The following MTX3 variants were observed in gnomAD, a reference collection of about 807,000 sequenced individuals.
MTX3 encodes the protein metaxin-3.
A neutral mutation model predicts 42.5 loss-of-function variants in MTX3; 27 were observed. That is an observed-to-expected ratio of 0.64 (90% CI 0.47 to 0.88). The LOEUF is 0.88. Ranked by LOEUF, MTX3 falls within the 40% of genes least tolerant of loss-of-function variation. The probability of loss-of-function intolerance (pLI) is 0.00; values close to 1 mark genes in which losing one functional copy is unlikely to be tolerated. For synonymous variants in MTX3, 144 were observed against 132.9 expected (o/e 1.08, Z -0.57); for missense variants, 378 against 367.0 (o/e 1.03, Z -0.25).
At chr5:79,984,175 C>T (rs566429559) in intron 8 of MTX3, among the ~76,000 whole-genome samples, 3 of 152,168 alleles carry the variant, frequency 2.0e-5, no homozygotes, top group South Asian at 4.2e-4. Context: ...TTGATCTTCC[C>T]GATACGCTAT....
chr5:79,983,402 C>G lies in MTX3; in HGVS notation c.*282G>C, dbSNP rs938434490. 3 of 372,376 alleles carry G rather than the reference C, an allele frequency of 8.1e-6. No individual in the cohort carries two copies. Among genetic ancestry groups the G allele is most frequent in the African/African-American group, 6.3e-5 (3 of 47,264 alleles). 23.1% of individuals were successfully genotyped at this position (372,376 alleles called of 1,614,324 possible). ...CAACATGTGAACCAAAGGCAAAAATCTGCCATGATTAAGGCAGTTCTTTGT... is the reference window on the plus strand; with the variant it reads ...CAACATGTGAACCAAAGGCAAAAATGTGCCATGATTAAGGCAGTTCTTTGT... On this transcript the variant is annotated 3_prime_UTR_variant, in exon 9 of 9. Coordinates refer to ENST00000512528, the MANE Select transcript of MTX3 (RefSeq NM_001363818.2).
Position 79,990,162 on chromosome 5 carries a change from G to GT in MTX3, c.225dup (p.Gln76ThrfsTer4). 6.2e-7 allele frequency: 1 copy of GT among 1,603,840 alleles called. No homozygotes were observed. ...CTTCTTCAAAGTGAACCACCCACCT[G>GT]TTTTCTTAAAAAGTTTAGTATTTTT... On this transcript the variant is annotated frameshift_variant, in exon 3 of 9. Transcript: ENST00000512528. LOFTEE classifies it high-confidence loss of function.
intron 7 of MTX3, among the ~76,000 whole-genome samples, chr5:79,986,224 C>T (rs1051651484): frequency 1.3e-5 from 2 of 152,182 alleles, no homozygotes; most frequent in Admixed American, 6.5e-5. Context: ...CAAGTTAACA[C>T]GGTTGAACAT....
At chr5:79,985,940 G>GT (rs1554046804) in intron 7 of MTX3, among the ~76,000 whole-genome samples, 1 of 127,728 alleles carries the variant, frequency 7.8e-6, no homozygotes. Context: ...TTTTTTTTTT[G>GT]AAAAAAAAAG....
intron 6 of MTX3, 133 bp from the exon 7 acceptor site, chr5:79,987,240 A>C: frequency 1.5e-6 from 1 of 682,280 alleles, no homozygotes; most frequent in Non-Finnish European, 2.4e-6. Flanking sequence ...CAGGAGTTCC[A>C]GATAAGCCTG....
intron 4 of MTX3, 76 bp downstream of exon 4, chr5:79,989,076 A>G (rs1193335780): frequency 2.0e-6 from 2 of 1,012,340 alleles, no homozygotes; most frequent in East Asian, 2.7e-5. Context: ...GACTTTTCTC[A>G]TTGGTTTTTT....
intron 3 of MTX3, among the ~76,000 whole-genome samples, chr5:79,989,701 G>C (rs919409405): frequency 6.6e-6 from 1 of 152,082 alleles, no homozygotes; most frequent in Non-Finnish European, 1.5e-5. Context: ...ATCTTTACAT[G>C]TTTAAACATT....
At chr5:79,985,493 A>G in intron 8 of MTX3, 78 bp downstream of exon 8, 1 of 933,600 alleles carries the variant, frequency 1.1e-6, no homozygotes, top group Non-Finnish European at 1.7e-6. Flanking sequence ...GGTACAGTTA[A>G]TGTGTGACCC....
intron 1 of MTX3, 108 bp downstream of exon 1, chr5:79,991,050 G>A (rs1230262557): frequency 1.8e-6 from 2 of 1,133,094 alleles, no homozygotes; most frequent in South Asian, 1.3e-5. Context: ...GCGTGCAGCG[G>A]CTCGGCCCTC....
In MTX3 at chr5:79,990,358, G is replaced by T. The variant is rs1580891270; in HGVS notation, c.152-122C>A. 1.9e-5 allele frequency: 14 copies of T among 745,796 alleles called. No homozygotes were observed. The East Asian group carries it at 3.8e-4, about 20-fold the overall frequency. The allele number at this position is 745,796 out of a possible 1,614,324, so 46.2% of individuals were successfully genotyped here. On this transcript the variant is annotated intron_variant, in intron 2 of 8. Transcript: ENST00000512528. ...GGAAAAAATGAGTAAGCTTGTCTTG[G>T]TTTTTTTGCTGTTTCACAAAGAGCG... is the stretch of plus-strand genomic sequence containing the variant.
chr5:79,988,270 ATC>A lies in MTX3; in HGVS notation c.548_549del (p.Arg183IlefsTer33). 6.4e-7 allele frequency: 1 copy of A among 1,554,156 alleles called. No individual in the cohort carries two copies. Among genetic ancestry groups the A allele is most frequent in the Non-Finnish European group, 8.7e-7 (1 of 1,145,170 alleles). ...CCAAAGAAAAACTGAGATGTTCCCA[ATC>A]TGTTTGATAGAAGATTTAGGCACTC... ...AKECLNLLSN[R>X]LGTSQFFFGD... On this transcript the variant is annotated frameshift_variant, in exon 6 of 9. Coordinates refer to ENST00000512528, the MANE Select transcript of MTX3 (RefSeq NM_001363818.2). LOFTEE classifies it high-confidence loss of function.
intron 6 of MTX3, among the ~76,000 whole-genome samples, chr5:79,987,414 T>C (rs1014265794): frequency 7.8e-6 from 1 of 128,698 alleles, no homozygotes; most frequent in Non-Finnish European, 1.5e-5. Context: ...CACTCTAGCC[T>C]GGGCAACAAG....
At position 79,990,126 on chromosome 5, in the gene MTX3, C is replaced by T. The variant is rs994813637; in HGVS notation, c.228+34G>A. On this transcript the variant is annotated intron_variant, in intron 3 of 8. Coordinates refer to ENST00000512528, the MANE Select transcript of MTX3 (RefSeq NM_001363818.2). ...AGCCCAACATGCAGGGATCAACAAT[C>T]TACCAATCTACTTCTTCAAAGTGAA... The T allele has an allele frequency of 2.8e-6, 4 of 1,410,178 alleles. No individual in the cohort carries two copies. In the African/African-American group the frequency reaches 5.7e-5, roughly 20 times the overall value. The allele number at this position is 1,410,178 out of a possible 1,614,324, so 87.4% of individuals were successfully genotyped here.
At position 79,982,443 on chromosome 5, in the gene MTX3, T is replaced by G. The variant is rs898052277; in HGVS notation, c.*1241A>C. On this transcript the variant is annotated 3_prime_UTR_variant, in exon 9 of 9. Transcript: ENST00000512528. ...TGATAAGATTTGCTGAGCACCACAGTAATCTTTTAAGACACTAATCAAAAA... is the reference window on the plus strand; with the variant it reads ...TGATAAGATTTGCTGAGCACCACAGGAATCTTTTAAGACACTAATCAAAAA... The G allele has an allele frequency of 4.4e-6, 2 of 456,490 alleles. No individual in the cohort carries two copies. Among genetic ancestry groups the G allele is most frequent in the Non-Finnish European group, 8.8e-6 (2 of 226,860 alleles). 28.3% of individuals were successfully genotyped at this position (456,490 alleles called of 1,614,324 possible).
rs140333284 is a variant in MTX3 at position 79,983,878 on chromosome 5, T to C, written c.829-84A>G. On this transcript the variant is annotated intron_variant, in intron 8 of 8. Transcript: ENST00000512528. ...TGGCCTCCCCATCCAAACTATAGCC[T>C]AGAAGAGTACAGAACCATATGTTTC... is the stretch of plus-strand genomic sequence containing the variant. 254 of 837,460 alleles carry C rather than the reference T, an allele frequency of 3.0e-4. 4 individuals are homozygous for C. In the African/African-American group the frequency reaches 3.2e-3, roughly 11 times the overall value. The allele number at this position is 837,460 out of a possible 1,614,324, so 51.9% of individuals were successfully genotyped here. A position where few individuals can be genotyped will look rare whatever the true frequency, so the allele number is the denominator to read the frequency against.
rs1430960899 is a variant in MTX3, at chr5:79,983,637, G to C, written c.*47C>G. On this transcript the variant is annotated 3_prime_UTR_variant, in exon 9 of 9. Transcript: ENST00000512528. ...TTGCCTTCACACACTTGGTGTAAGA[G>C]ATTACTGCAACAATCGTTTGACTTT... is the stretch of plus-strand genomic sequence containing the variant. 1.4e-5 allele frequency: 19 copies of C among 1,361,878 alleles called. No individual in the cohort carries two copies. Among genetic ancestry groups the C allele is most frequent in the Non-Finnish European group, 2.0e-5 (19 of 949,830 alleles). The allele number at this position is 1,361,878 out of a possible 1,614,324, so 84.4% of individuals were successfully genotyped here. A position where few individuals can be genotyped will look rare whatever the true frequency, so the allele number is the denominator to read the frequency against.
intron 4 of MTX3, 84 bp from the exon 5 acceptor site, chr5:79,988,728 A>G: frequency 1.7e-6 from 2 of 1,202,532 alleles, no homozygotes; most frequent in Non-Finnish European, 2.3e-6. Flanking sequence ...TTTTTCATAA[A>G]TATCTTTATA....
At position 79,989,262 on chromosome 5, in the gene MTX3, A is replaced by G. The variant is rs373441749; in HGVS notation, c.229-18T>C. The G allele has an allele frequency of 8.7e-6, 13 of 1,487,718 alleles. No homozygotes were observed. Among genetic ancestry groups the G allele is most frequent in the Non-Finnish European group, 1.2e-5 (13 of 1,093,550 alleles). The allele number at this position is 1,487,718 out of a possible 1,614,324, so 92.2% of individuals were successfully genotyped here. ...TTATATTTCTATTAAAAAAAAATAA[A>G]CCAAAGAAACTCAGAAGTCAAAGAG... On this transcript the variant is annotated intron_variant, in intron 3 of 8. Coordinates refer to ENST00000512528, the MANE Select transcript of MTX3 (RefSeq NM_001363818.2).
rs993140092 is a variant in MTX3, at chr5:79,990,319, T to C, written c.152-83A>G. On this transcript the variant is annotated intron_variant, in intron 2 of 8. Coordinates refer to ENST00000512528, the MANE Select transcript of MTX3 (RefSeq NM_001363818.2). ...CCAATATCCTAAAAACTATAGCAGT[T>C]GCACATTTAGAGGGGAAAAAATGAG... The C allele has an allele frequency of 2.3e-5, 22 of 966,978 alleles. No homozygotes were observed. The Admixed American group carries it at 4.7e-4, about 21-fold the overall frequency. 59.9% of individuals were successfully genotyped at this position (966,978 alleles called of 1,614,324 possible).
Sources: allele counts gnomAD v4.1 joint callset (sites outside exome capture counted in the v4.1 genomes callset), GRCh38; gene constraint gnomAD v4.1.1; transcripts MANE v1.5; gene names NCBI Gene and HGNC (gene_info 2026-07-23, HGNC 2026-07-21).